Variants in LRFN5 observed in about 807,000 individuals in gnomAD.
The protein encoded by LRFN5 is leucine-rich repeat and fibronectin type-III domain-containing protein 5.
Under a neutral mutation model 45.6 loss-of-function variants are expected in LRFN5, and 24 were observed. The observed-to-expected ratio is 0.53, with a 90% confidence interval of 0.38 to 0.74. LRFN5 has a LOEUF of 0.74. LRFN5 is among the 30% of genes least tolerant of loss of function. The pLI, the probability that LRFN5 is intolerant of heterozygous loss-of-function variation, is 0.00. For missense variants in LRFN5, 776 were observed against 861.5 expected (o/e 0.90, Z 1.24); for synonymous variants, 340 against 313.8 (o/e 1.08, Z -0.88).
At chr14:41,612,568 T>C (rs1366022581) in intron 1 of LRFN5, among the ~76,000 whole-genome samples, 1 of 152,136 alleles carries the variant, frequency 6.6e-6, no homozygotes, top group Non-Finnish European at 1.5e-5. Flanking sequence ...GCTAAATCAT[T>C]CCAATGACAC....
intron 1 of LRFN5, among the ~76,000 whole-genome samples, chr14:41,660,699 G>A (rs748583880): frequency 1.3e-5 from 2 of 151,756 alleles, no homozygotes; most frequent in African/African-American, 2.4e-5. Context: ...ATTGTTGGCC[G>A]AACATTCCAA....
intron 1 of LRFN5, among the ~76,000 whole-genome samples, chr14:41,637,631 C>T (rs905974475): frequency 1.3e-5 from 2 of 152,014 alleles, no homozygotes; most frequent in African/African-American, 4.8e-5. Context: ...TGGGTGGATC[C>T]GTGTTATTCT....
At chr14:41,660,803 A>AAT (rs1282469085) in intron 1 of LRFN5, among the ~76,000 whole-genome samples, 8 of 143,696 alleles carry the variant, frequency 5.6e-5, no homozygotes, top group Middle Eastern at 3.7e-3. Flanking sequence ...CACTCTCTTT[A>AAT]ATATATATAT....
chr14:41,800,279 AGAT>A (rs374095614), intron 2 of LRFN5, among the ~76,000 whole-genome samples: 2,210 of 152,180 alleles, frequency 0.015, 46 homozygotes, highest in African/African-American at 0.049. Context: ...TACTGATCAC[AGAT>A]GAAACCAAAA....
At chr14:41,701,368 A>C (rs572056985) in intron 1 of LRFN5, 2 of 152,304 alleles carry the variant, frequency 1.3e-5, no homozygotes, top group Admixed American at 6.5e-5. Flanking sequence ...TGGGGACCTA[A>C]GCTTGTATTT....
intron 1 of LRFN5, among the ~76,000 whole-genome samples, chr14:41,701,773 C>T (rs1345589479): frequency 2.6e-5 from 4 of 152,104 alleles, no homozygotes; most frequent in Admixed American, 2.6e-4. Flanking sequence ...GTGACAGCAT[C>T]ATGAATATCA....
chr14:41,612,263 A>G (rs1255778236), intron 1 of LRFN5, among the ~76,000 whole-genome samples: 1 of 152,106 alleles, frequency 6.6e-6, no homozygotes, highest in African/African-American at 2.4e-5. Flanking sequence ...TAAATTATAT[A>G]TTTAAAAATA....
chr14:41,842,401 A>T (rs946985324), intron 2 of LRFN5, among the ~76,000 whole-genome samples: 2 of 152,138 alleles, frequency 1.3e-5, no homozygotes, highest in African/African-American at 4.8e-5. Context: ...ACTACACTTG[A>T]TTAACTGCAA....
At chr14:41,650,466 A>T (rs2138618050) in intron 1 of LRFN5, among the ~76,000 whole-genome samples, 1 of 152,280 alleles carries the variant, frequency 6.6e-6, no homozygotes, top group East Asian at 1.9e-4. Context: ...GTTAGCAATT[A>T]AAGATGTGCT....
chr14:41,840,628 G>A (rs150894995), intron 2 of LRFN5, among the ~76,000 whole-genome samples: 1 of 151,942 alleles, frequency 6.6e-6, no homozygotes, highest in South Asian at 2.1e-4. Flanking sequence ...TACATCAATA[G>A]TTAATATTCT....
Position 41,665,689 on chromosome 14 carries a change from T to G in LRFN5, c.-197+57127T>G, listed in dbSNP as rs551319439. 3.9e-5 allele frequency among the ~76,000 whole-genome samples: 6 copies of G among 152,100 alleles called. No homozygotes were observed. In the South Asian group the frequency reaches 1.0e-3, roughly 26 times the overall value. On this transcript the variant is annotated intron_variant, in intron 1 of 5. Coordinates refer to ENST00000298119, the MANE Select transcript of LRFN5 (RefSeq NM_152447.5). The stretch of plus-strand genomic sequence containing the variant: ...ATTTTTAACATAAATATATAATCTC[T>G]TATTTCAAAAGCTACTACTAGGATA...
chr14:41,856,728 G>A (rs1269227816), intron 2 of LRFN5, among the ~76,000 whole-genome samples: 1 of 105,430 alleles, frequency 9.5e-6, no homozygotes, highest in Admixed American at 1.3e-4. Flanking sequence ...CCAGGCAGGA[G>A]TGCTGTGGCG....
rs1888006955 is a variant in LRFN5 at position 41,818,720 on chromosome 14, A to T, written c.-21+51691A>T. On this transcript the variant is annotated intron_variant, in intron 2 of 5. Transcript: ENST00000298119. The stretch of plus-strand genomic sequence containing the variant: ...CAAATATTTTTGTCTTTTTGTGTTG[A>T]TTCTTTGTTTCATCTCTTTACCATA... Among the ~76,000 whole-genome samples, 3 of 152,044 alleles carry T rather than the reference A, an allele frequency of 2.0e-5. No individual in the cohort carries two copies. In the South Asian group the frequency reaches 6.2e-4, roughly 32 times the overall value.
chr14:41,688,362 G>T (rs2138699330), intron 1 of LRFN5, among the ~76,000 whole-genome samples: 1 of 151,820 alleles, frequency 6.6e-6, no homozygotes, highest in South Asian at 2.1e-4. Flanking sequence ...CGAGGTGCTG[G>T]ATACCTTATT....
At chr14:41,739,097 T>C (rs1268393876) in intron 1 of LRFN5, among the ~76,000 whole-genome samples, 2 of 152,112 alleles carry the variant, frequency 1.3e-5, no homozygotes, top group Non-Finnish European at 2.9e-5. Flanking sequence ...AAACCAATAA[T>C]AGGAGCAGGC....
At chr14:41,866,846 C>A (rs60380663) in intron 2 of LRFN5, among the ~76,000 whole-genome samples, 3 of 152,048 alleles carry the variant, frequency 2.0e-5, no homozygotes, top group Non-Finnish European at 4.4e-5. Flanking sequence ...ATAACATAGA[C>A]ACATATCAGT....
rs572434775 is a variant in LRFN5, at chr14:41,689,752, G to A, written c.-196-77102G>A. Among the ~76,000 whole-genome samples the A allele has an allele frequency of 9.8e-3, 1,476 of 150,774 alleles. 6 individuals are homozygous for A. Among genetic ancestry groups the A allele is most frequent in the East Asian group, 0.02 (103 of 5,094 alleles). Reference sequence around the variant, plus strand: ...TACTAAAAATACAAAAAAATTAGCCGGGCGTGATGGCGGGCGCCTGTAGTC... The same window carrying A: ...TACTAAAAATACAAAAAAATTAGCCAGGCGTGATGGCGGGCGCCTGTAGTC... On this transcript the variant is annotated intron_variant, in intron 1 of 5. Coordinates refer to ENST00000298119, the MANE Select transcript of LRFN5 (RefSeq NM_152447.5).
intron 1 of LRFN5, among the ~76,000 whole-genome samples, chr14:41,734,319 TATA>T (rs2138802076): frequency 1.6e-5 from 1 of 61,670 alleles, no homozygotes; most frequent in African/African-American, 1.4e-4. Flanking sequence ...ACTGGTTTTA[TATA>T]TATATATATA....
At chr14:41,832,024 A>G (rs1185691052) in intron 2 of LRFN5, among the ~76,000 whole-genome samples, 2 of 152,088 alleles carry the variant, frequency 1.3e-5, no homozygotes, top group Admixed American at 6.6e-5. Flanking sequence ...TTACATCACA[A>G]GTGTCCCACC....
Sources: gnomAD v4.1 joint callset for allele counts (sites outside exome capture counted in the v4.1 genomes callset) on GRCh38, gnomAD v4.1.1 for gene constraint, MANE v1.5 for transcripts, NCBI Gene and HGNC (gene_info 2026-07-23, HGNC 2026-07-21) for gene names.